The following ZNF469 variants were observed in gnomAD, a reference collection of about 807,000 sequenced individuals.
The protein encoded by ZNF469 is zinc finger protein 469.
A neutral mutation model predicts 1.0 loss-of-function variants in ZNF469; 1 was observed. That is an observed-to-expected ratio of 1.00 (90% CI 0.35 to 4.73). The LOEUF (loss-of-function observed/expected upper bound fraction) is 4.73. Among genes scored for constraint, ZNF469 ranks in the 30% most tolerant of loss-of-function variants. The pLI is 0.16. For missense variants in ZNF469, 6,100 were observed against 5,356.3 expected (o/e 1.14, Z -4.33); for synonymous variants, 2,703 against 2,363.4 (o/e 1.14, Z -4.17).
At chr16:88,264,949 A>G in the ZNF469 span, among the ~76,000 whole-genome samples, 1 of 152,032 alleles carries the variant, frequency 6.6e-6, no homozygotes, top group Non-Finnish European at 1.5e-5. Context: ...GGGAGCGGGC[A>G]CACAGGGCTG....
At chr16:88,268,072 G>A in the ZNF469 span, among the ~76,000 whole-genome samples, 2 of 152,218 alleles carry the variant, frequency 1.3e-5, no homozygotes, top group African/African-American at 2.4e-5. Flanking sequence ...CCTCTTCATG[G>A]AGGTTGAGCT....
chr16:88,175,237 T>C, the ZNF469 span, among the ~76,000 whole-genome samples: 1 of 152,198 alleles, frequency 6.6e-6, no homozygotes, highest in South Asian at 2.1e-4. Flanking sequence ...TAACTGGGAC[T>C]GTAACCTCAC....
At chr16:88,378,223 C>G (rs935045019), upstream of ZNF469, among the ~76,000 whole-genome samples, 1 of 152,136 alleles carries the variant, frequency 6.6e-6, no homozygotes, top group African/African-American at 2.4e-5. Context: ...CTGACTCACC[C>G]AGGCACACAC....
the ZNF469 span, among the ~76,000 whole-genome samples, chr16:88,251,696 C>G: frequency 6.6e-6 from 1 of 151,314 alleles, no homozygotes; most frequent in Non-Finnish European, 1.5e-5. Flanking sequence ...GTAGCTGGGA[C>G]TATCAGTGCA....
the ZNF469 span, chr16:88,177,909 C>T: frequency 1.3e-5 from 2 of 152,140 alleles, no homozygotes; most frequent in African/African-American, 4.8e-5. This position sits in a 1 kb window ranked among gnomAD's most constrained non-coding sequence, Gnocchi z 4.8. Context: ...CGGGATTTCA[C>T]CATGTTGGTC....
the ZNF469 span, among the ~76,000 whole-genome samples, chr16:88,193,021 G>GTGATGA: frequency 8.4e-6 from 1 of 119,254 alleles, no homozygotes; most frequent in African/African-American, 3.3e-5. Context: ...GATGGTGGTG[G>GTGATGA]TGGTGATGGT....
the ZNF469 span, among the ~76,000 whole-genome samples, chr16:88,270,044 G>A: frequency 1.1e-4 from 16 of 152,120 alleles, no homozygotes; most frequent in African/African-American, 2.2e-4. Context: ...TCCTGTAGAC[G>A]GGGCAAGCCA....
the ZNF469 span, among the ~76,000 whole-genome samples, chr16:88,377,608 C>A: frequency 2.0e-5 from 3 of 152,168 alleles, no homozygotes; most frequent in African/African-American, 7.2e-5. Context: ...GCTCCAGGCC[C>A]TGACACTCCC....
chr16:88,376,585 C>T, the ZNF469 span, among the ~76,000 whole-genome samples: 27 of 152,376 alleles, frequency 1.8e-4, no homozygotes, highest in African/African-American at 6.0e-4. Context: ...CGGTCTCCAC[C>T]GCCTCTGTTT....
chr16:88,177,777 G>C, the ZNF469 span: 2 of 152,094 alleles, frequency 1.3e-5, no homozygotes, highest in African/African-American at 4.8e-5. The surrounding 1 kb of genome is among the most constrained non-coding windows in gnomAD (Gnocchi z 4.8). Context: ...GTGCAATCTC[G>C]GCTCACTGCA....
the ZNF469 span, among the ~76,000 whole-genome samples, chr16:88,168,076 A>C: frequency 5.9e-5 from 9 of 152,160 alleles, no homozygotes; most frequent in Non-Finnish European, 8.8e-5. This position sits in a 1 kb window ranked among gnomAD's most constrained non-coding sequence, Gnocchi z 4.3. Context: ...TCCCTTATTC[A>C]TTTACACTTC....
At chr16:88,376,972 C>G in the ZNF469 span, among the ~76,000 whole-genome samples, 1 of 152,256 alleles carries the variant, frequency 6.6e-6, no homozygotes, top group Non-Finnish European at 1.5e-5. Context: ...GCTCTGCCCG[C>G]TCATGCCGCC....
chr16:88,137,019 T>C, the ZNF469 span, among the ~76,000 whole-genome samples: 36 of 152,242 alleles, frequency 2.4e-4, no homozygotes, highest in Non-Finnish European at 4.8e-4. Flanking sequence ...CGTATAGCCA[T>C]GTGTGCATAC....
At position 88,430,238 on chromosome 16, in the gene ZNF469, G is replaced by A. The variant is rs566719722; in HGVS notation, c.2768G>A (p.Arg923Lys). Residue 923 changes from arginine (R) to lysine (K), a missense_variant, in exon 3 of 3, where the codon AGG (arginine) becomes AAG (lysine). Physicochemically the swap from Arg to Lys is conservative, Grantham distance 26. Coordinates refer to ENST00000565624, the MANE Select transcript of ZNF469 (RefSeq NM_001367624.2). ...GACAGGGGCTGCCCAGCCCGAGGCA[G>A]GCCCAAAACGCGTTCCCTGGGTCTG... is the stretch of plus-strand genomic sequence containing the variant. Reference protein sequence around the residue: ...PGDRGCPARGRPKTRSLGLAP... With the variant: ...PGDRGCPARGKPKTRSLGLAP... The A allele has an allele frequency of 4.6e-6, 7 of 1,531,042 alleles. No homozygotes were observed. Among genetic ancestry groups the A allele is most frequent in the South Asian group, 1.2e-5 (1 of 82,818 alleles). The allele number at this position is 1,531,042 out of a possible 1,614,324, so 94.8% of individuals were successfully genotyped here. A position where few individuals can be genotyped will look rare whatever the true frequency, so the allele number is the denominator to read the frequency against.
chr16:88,258,650 G>C, the ZNF469 span, among the ~76,000 whole-genome samples: 1 of 148,002 alleles, frequency 6.8e-6, no homozygotes, highest in African/African-American at 2.5e-5. Context: ...TAGACACTTG[G>C]AGATTTGAGC....
At chr16:88,380,656 C>G (rs1320840663), upstream of ZNF469, among the ~76,000 whole-genome samples, 6 of 145,958 alleles carry the variant, frequency 4.1e-5, no homozygotes, top group African/African-American at 1.5e-4. Flanking sequence ...CATACACACA[C>G]AGACACGCCC....
chr16:88,239,732 T>A, the ZNF469 span, among the ~76,000 whole-genome samples: 1 of 79,026 alleles, frequency 1.3e-5, no homozygotes, highest in African/African-American at 5.3e-5. Flanking sequence ...TTTTTTTTTT[T>A]TTTTTTTTTA....
chr16:88,253,987 GTTAT>G, the ZNF469 span, among the ~76,000 whole-genome samples: 4 of 151,424 alleles, frequency 2.6e-5, no homozygotes, highest in Non-Finnish European at 4.4e-5. Context: ...TCCTAATAGT[GTTAT>G]TTAATGAGCA....
chr16:88,381,370 A>G (rs1362870153), upstream of ZNF469, among the ~76,000 whole-genome samples: 1 of 136,872 alleles, frequency 7.3e-6, no homozygotes, highest in Non-Finnish European at 1.6e-5. Context: ...ACATGCACTC[A>G]CACACAGAGA....
Sources: allele counts gnomAD v4.1 joint callset (sites outside exome capture counted in the v4.1 genomes callset), GRCh38; gene constraint gnomAD v4.1.1; non-coding constraint Gnocchi (gnomAD v3.1); transcripts MANE v1.5; gene names NCBI Gene and HGNC (gene_info 2026-07-23, HGNC 2026-07-21).